The following KCNIP1 variants were observed in gnomAD, a reference collection of about 807,000 sequenced individuals.
KCNIP1 encodes the protein A-type potassium channel modulatory protein KCNIP1.
A neutral mutation model predicts 33.0 loss-of-function variants in KCNIP1; 18 were observed. That is an observed-to-expected ratio of 0.55 (90% CI 0.38 to 0.81). The LOEUF (loss-of-function observed/expected upper bound fraction) is 0.81, where lower values mean the gene tolerates loss of function less well. Among genes scored for constraint, KCNIP1 ranks in the 30% least tolerant of loss-of-function variants. The probability of loss-of-function intolerance (pLI) is 0.00; values close to 1 mark genes in which losing one functional copy is unlikely to be tolerated. For missense variants in KCNIP1, 238 were observed against 271.6 expected, an observed-to-expected ratio of 0.88 and a Z score of 0.87; for synonymous variants, 93 against 98.3, an observed-to-expected ratio of 0.95 and a Z score of 0.32.
chr5:170,530,168 C>T (rs73801005), intron 1 of KCNIP1, among the ~76,000 whole-genome samples: 8,102 of 152,086 alleles, frequency 0.053, 660 homozygotes, highest in African/African-American at 0.18. Flanking sequence ...AGAGTAGGTG[C>T]TCATGGCTCA....
rs775575767 is a variant in KCNIP1 at position 170,385,303 on chromosome 5, G to A, written c.88+31339G>A. On this transcript the variant is annotated intron_variant, in intron 1 of 7. Coordinates refer to the KCNIP1 transcript ENST00000377360. ...GGGTTGGGGGGTGGGCAGGCCGGGA[G>A]AGCTCAGTACCTTTTCTGGTAGAGG... 2.5e-6 allele frequency: 4 copies of A among 1,614,070 alleles called. No homozygotes were observed. The South Asian group carries it at 3.3e-5, about 13-fold the overall frequency.
At chr5:170,378,857 C>T in intron 1 of KCNIP1, 1 of 1,614,258 alleles carries the variant, frequency 6.2e-7, no homozygotes, top group Non-Finnish European at 8.5e-7. Context: ...TGGTTTCGTT[C>T]CCCCGAGGTG....
At chr5:170,474,919 C>T (rs540027962) in intron 1 of KCNIP1, among the ~76,000 whole-genome samples, 4 of 152,300 alleles carry the variant, frequency 2.6e-5, no homozygotes, top group South Asian at 2.1e-4. Context: ...ACTGGGTTGC[C>T]GCCGCTGGTC....
At chr5:170,728,988 T>C (rs1048831244) in intron 5 of KCNIP1, among the ~76,000 whole-genome samples, 1 of 152,014 alleles carries the variant, frequency 6.6e-6, no homozygotes, top group African/African-American at 2.4e-5. Context: ...CAGGTACAAA[T>C]ACCATCTTGG....
chr5:170,446,196 C>A (rs1023440561), intron 1 of KCNIP1, among the ~76,000 whole-genome samples: 3 of 152,134 alleles, frequency 2.0e-5, no homozygotes, highest in Non-Finnish European at 4.4e-5. Flanking sequence ...GATATGTTCT[C>A]CCCTTTTATT....
intron 1 of KCNIP1, among the ~76,000 whole-genome samples, chr5:170,427,197 G>A (rs972797497): frequency 5.3e-5 from 8 of 152,212 alleles, no homozygotes; most frequent in African/African-American, 1.9e-4. Flanking sequence ...GCCTTAAAGA[G>A]GTGCTGAGAG....
intron 1 of KCNIP1, among the ~76,000 whole-genome samples, chr5:170,435,249 C>T (rs558287090): frequency 5.3e-5 from 8 of 152,226 alleles, no homozygotes; most frequent in Non-Finnish European, 8.8e-5. Flanking sequence ...CTCTTGGGTT[C>T]GGTGTCTCCC....
intron 1 of KCNIP1, among the ~76,000 whole-genome samples, chr5:170,551,960 GTGTA>G (rs1391490784): frequency 1.4e-5 from 2 of 147,198 alleles, no homozygotes; most frequent in Admixed American, 6.6e-5. Context: ...GTCTGAGTGT[GTGTA>G]TGTGTTTGAG....
intron 1 of KCNIP1, among the ~76,000 whole-genome samples, chr5:170,616,756 A>G (rs747054314): frequency 6.6e-6 from 1 of 152,160 alleles, no homozygotes; most frequent in Non-Finnish European, 1.5e-5. Flanking sequence ...TTAAACCTGC[A>G]TGTTCTCTCT....
At chr5:170,498,502 C>G (rs1228437958) in intron 1 of KCNIP1, among the ~76,000 whole-genome samples, 1 of 152,052 alleles carries the variant, frequency 6.6e-6, no homozygotes, top group Admixed American at 6.5e-5. Context: ...GCACCTGCTA[C>G]CCTGAACTTA....
chr5:170,520,310 A>T (rs946846026), intron 1 of KCNIP1, among the ~76,000 whole-genome samples: 1 of 152,206 alleles, frequency 6.6e-6, no homozygotes, highest in African/African-American at 2.4e-5. Context: ...AAGTGCAGGG[A>T]CAGCATCAGA....
At chr5:170,689,974 G>T (rs1046965874) in intron 1 of KCNIP1, among the ~76,000 whole-genome samples, 1 of 152,096 alleles carries the variant, frequency 6.6e-6, no homozygotes, top group Non-Finnish European at 1.5e-5. Context: ...CCCTTCTTTT[G>T]TATGCAAGGC....
chr5:170,674,683 G>A (rs1239723086), intron 1 of KCNIP1, among the ~76,000 whole-genome samples: 2 of 152,178 alleles, frequency 1.3e-5, no homozygotes, highest in Admixed American at 6.5e-5. Context: ...CCTGGAAGCA[G>A]GGTTCAAGAT....
intron 1 of KCNIP1, among the ~76,000 whole-genome samples, chr5:170,680,046 C>T (rs1281397528): frequency 6.6e-6 from 1 of 152,136 alleles, no homozygotes; most frequent in Non-Finnish European, 1.5e-5. Context: ...GTCTTTGCTC[C>T]ACAGTGTTGT....
At chr5:170,441,973 A>G (rs1279799062) in intron 1 of KCNIP1, among the ~76,000 whole-genome samples, 1 of 150,144 alleles carries the variant, frequency 6.7e-6, no homozygotes, top group Non-Finnish European at 1.5e-5. Context: ...AAAAAAAAAA[A>G]AAGAATGAAC....
intron 1 of KCNIP1, chr5:170,377,451 C>G (rs569904007): frequency 6.6e-6 from 1 of 152,174 alleles, no homozygotes; most frequent in East Asian, 1.9e-4. Flanking sequence ...CCCATTTTGC[C>G]CTTTTCAAAT....
At chr5:170,726,576 A>G (rs1196461356) in intron 5 of KCNIP1, among the ~76,000 whole-genome samples, 1 of 152,088 alleles carries the variant, frequency 6.6e-6, no homozygotes, top group African/African-American at 2.4e-5. Flanking sequence ...TCTTTGATAA[A>G]GCTCAGCACA....
chr5:170,412,962 A>G (rs1035872007), intron 1 of KCNIP1, among the ~76,000 whole-genome samples: 1 of 152,114 alleles, frequency 6.6e-6, no homozygotes, highest in African/African-American at 2.4e-5. Flanking sequence ...TTATTTGTGT[A>G]TCTCCTGTCC....
intron 1 of KCNIP1, among the ~76,000 whole-genome samples, chr5:170,519,099 C>T (rs1457318528): frequency 2.0e-5 from 3 of 152,162 alleles, no homozygotes; most frequent in Non-Finnish European, 4.4e-5. Flanking sequence ...ATAAGGTTCT[C>T]ATGGTTTTTA....
Sources: allele counts gnomAD v4.1 joint callset (sites outside exome capture counted in the v4.1 genomes callset), GRCh38; gene constraint gnomAD v4.1.1; transcripts MANE v1.5; gene names NCBI Gene and HGNC (gene_info 2026-07-23, HGNC 2026-07-21).